The following L3MBTL4 variants were observed in gnomAD, a reference collection of about 807,000 sequenced individuals.
The protein encoded by L3MBTL4 is L3MBTL histone methyl-lysine binding protein 4, also known as lethal(3)malignant brain tumor-like protein 4.
L3MBTL4 carries 70 observed loss-of-function variants against 84.5 expected under a neutral mutation model. That is an observed-to-expected ratio of 0.83 (90% CI 0.68 to 1.01). L3MBTL4 has a LOEUF of 1.01. Among genes scored for constraint, L3MBTL4 ranks in the 50% least tolerant of loss-of-function variants. The pLI is 0.00. For missense variants in L3MBTL4, 715 were observed against 754.8 expected (o/e 0.95, Z 0.62); for synonymous variants, 274 against 259.8 (o/e 1.05, Z -0.52).
intron 5 of L3MBTL4, among the ~76,000 whole-genome samples, chr18:6,261,829 G>A (rs985014376): frequency 3.9e-5 from 6 of 152,156 alleles, no homozygotes; most frequent in African/African-American, 1.4e-4. Flanking sequence ...ATACCCTGAC[G>A]GGCTGAGATG....
chr18:6,046,603 C>G (rs1230908791), intron 16 of L3MBTL4: 2 of 578,452 alleles, frequency 3.5e-6, no homozygotes, highest in East Asian at 2.9e-5. Context: ...ACCAAGATCT[C>G]CCAAAACCAC....
intron 1 of L3MBTL4, among the ~76,000 whole-genome samples, chr18:6,333,540 A>G (rs1461414806): frequency 6.7e-6 from 1 of 150,170 alleles, no homozygotes; most frequent in East Asian, 2.0e-4. Context: ...GCGCCACTGC[A>G]CTCCAGCCTG....
At chr18:6,065,955 T>A (rs892601739) in intron 16 of L3MBTL4, among the ~76,000 whole-genome samples, 3 of 152,006 alleles carry the variant, frequency 2.0e-5, no homozygotes, top group African/African-American at 7.2e-5. Context: ...TAGGTTGTCA[T>A]TTTGTGCTGT....
intron 16 of L3MBTL4, among the ~76,000 whole-genome samples, chr18:6,061,859 C>T (rs1420468451): frequency 6.6e-6 from 1 of 151,916 alleles, no homozygotes; most frequent in Non-Finnish European, 1.5e-5. Flanking sequence ...CCTCTTTCTA[C>T]TAGCGCTATA....
chr18:6,015,978 T>C (rs778049651), intron 16 of L3MBTL4, among the ~76,000 whole-genome samples: 15 of 151,720 alleles, frequency 9.9e-5, no homozygotes, highest in Non-Finnish European at 2.1e-4. Flanking sequence ...AAAAGAAAAA[T>C]AAAAATTCAC....
At chr18:6,080,346 T>C (rs2058033719) in intron 16 of L3MBTL4, among the ~76,000 whole-genome samples, 1 of 152,198 alleles carries the variant, frequency 6.6e-6, no homozygotes, top group Admixed American at 6.5e-5. Context: ...TACAATATAA[T>C]CCAACCTCAA....
chr18:6,199,842 T>C (rs1315104210), intron 12 of L3MBTL4, among the ~76,000 whole-genome samples: 1 of 152,218 alleles, frequency 6.6e-6, no homozygotes, highest in African/African-American at 2.4e-5. Context: ...TTACGGGTGA[T>C]AGCAGAGAAT....
At chr18:6,157,533 A>G (rs1006022995) in intron 13 of L3MBTL4, among the ~76,000 whole-genome samples, 1 of 152,188 alleles carries the variant, frequency 6.6e-6, no homozygotes, top group Admixed American at 6.5e-5. Context: ...ACTCATCAGG[A>G]TAAACAATGT....
In L3MBTL4 at chr18:6,322,390, TGAAAGGAAAG is replaced by T. The variant is rs556362554; in HGVS notation, c.-90-10344_-90-10335del. Among the ~76,000 whole-genome samples, 34 of 99,740 alleles carry T rather than the reference TGAAAGGAAAG, an allele frequency of 3.4e-4. 1 individual carries two copies. In the East Asian group the frequency reaches 5.4e-3, roughly 16 times the overall value. 65.4% of individuals were successfully genotyped at this position (99,740 alleles called of 152,430 possible). On this transcript the variant is annotated intron_variant, in intron 1 of 18. Coordinates refer to ENST00000317931, the MANE Select transcript of L3MBTL4 (RefSeq NM_001330559.2). The stretch of plus-strand genomic sequence containing the variant: ...GAAAGAAAAAGAAAAAGAAAGAAAA[TGAAAGGAAAG>T]GAAAGGAAAGGAAGAGAGAATGGAG...
intron 12 of L3MBTL4, among the ~76,000 whole-genome samples, chr18:6,194,617 C>T (rs2045291113): frequency 6.6e-6 from 1 of 152,198 alleles, no homozygotes; most frequent in South Asian, 2.1e-4. Context: ...GAAAGTTCCC[C>T]TTCTCCCTTC....
chr18:6,152,657 T>A lies in L3MBTL4; in HGVS notation c.1097-14361A>T, dbSNP rs558237456. Among the ~76,000 whole-genome samples the A allele has an allele frequency of 2.0e-5, 3 of 152,336 alleles. No homozygotes were observed. The East Asian group carries it at 5.8e-4, about 29-fold the overall frequency. On this transcript the variant is annotated intron_variant, in intron 13 of 18. Coordinates refer to ENST00000317931, the MANE Select transcript of L3MBTL4 (RefSeq NM_001330559.2). ...TTATATACATGGAGATAACCCTTTATCAGATGTCGGGTTTGTATCTATTTT... is the reference window on the plus strand; with the variant it reads ...TTATATACATGGAGATAACCCTTTAACAGATGTCGGGTTTGTATCTATTTT...
chr18:6,290,080 C>T (rs1206458836), intron 4 of L3MBTL4, among the ~76,000 whole-genome samples: 2 of 152,002 alleles, frequency 1.3e-5, no homozygotes, highest in East Asian at 1.9e-4. Context: ...GTCACCACAC[C>T]CGGCTAATTT....
At chr18:6,364,932 A>G (rs142081148) in intron 1 of L3MBTL4, among the ~76,000 whole-genome samples, 3 of 152,224 alleles carry the variant, frequency 2.0e-5, no homozygotes, top group Admixed American at 2.0e-4. Flanking sequence ...AAAAAAGACT[A>G]GTAACCAAGA....
intron 16 of L3MBTL4, among the ~76,000 whole-genome samples, chr18:6,075,561 T>A (rs1489614323): frequency 6.6e-6 from 1 of 151,934 alleles, no homozygotes; most frequent in African/African-American, 2.4e-5. Flanking sequence ...ATGTGAAAGA[T>A]AAAAAAATAA....
intron 4 of L3MBTL4, among the ~76,000 whole-genome samples, chr18:6,273,801 C>T (rs2048970862): frequency 6.6e-6 from 1 of 152,142 alleles, no homozygotes; most frequent in African/African-American, 2.4e-5. Context: ...TATAAGATTC[C>T]ACAGAATTGA....
At chr18:6,250,200 G>T (rs1049113890) in intron 5 of L3MBTL4, among the ~76,000 whole-genome samples, 5 of 152,164 alleles carry the variant, frequency 3.3e-5, no homozygotes, top group African/African-American at 4.8e-5. Context: ...ATTATTCAAA[G>T]TTCCACACCT....
intron 12 of L3MBTL4, among the ~76,000 whole-genome samples, chr18:6,181,228 T>C (rs1401280506): frequency 6.6e-6 from 1 of 151,894 alleles, no homozygotes; most frequent in Non-Finnish European, 1.5e-5. Context: ...CAAATACAGG[T>C]TTTTTATACA....
chr18:6,212,702 A>G (rs1458411388), intron 12 of L3MBTL4, among the ~76,000 whole-genome samples: 8 of 152,234 alleles, frequency 5.3e-5, no homozygotes, highest in African/African-American at 1.9e-4. Flanking sequence ...AATGCCAATA[A>G]AAAGAAGCTT....
At chr18:6,406,537 C>T (rs2055743582) in intron 1 of L3MBTL4, among the ~76,000 whole-genome samples, 1 of 152,154 alleles carries the variant, frequency 6.6e-6, no homozygotes, top group African/African-American at 2.4e-5. Flanking sequence ...GTTAAATCAG[C>T]AGCTCAGGAC....
Sources: allele counts gnomAD v4.1 joint callset (sites outside exome capture counted in the v4.1 genomes callset), GRCh38; gene constraint gnomAD v4.1.1; transcripts MANE v1.5; gene names NCBI Gene and HGNC (gene_info 2026-07-23, HGNC 2026-07-21).